Variants in STRN3 observed in about 807,000 individuals in gnomAD.
STRN3 encodes the protein striatin 3.
STRN3 carries 29 observed loss-of-function variants against 95.6 expected under a neutral mutation model. That is an observed-to-expected ratio of 0.30 (90% CI 0.23 to 0.41). The LOEUF (loss-of-function observed/expected upper bound fraction) is 0.41, where lower values mean the gene tolerates loss of function less well. Among genes scored for constraint, STRN3 ranks in the 10% least tolerant of loss-of-function variants. STRN3 has a pLI of 1.00. For missense variants in STRN3, 890 were observed against 972.1 expected (o/e 0.92, Z 1.12); for synonymous variants, 331 against 357.6 (o/e 0.93, Z 0.84).
intron 1 of STRN3, among the ~76,000 whole-genome samples, chr14:30,980,597 G>A (rs990287461): frequency 2.6e-5 from 4 of 151,938 alleles, no homozygotes; most frequent in East Asian, 2.0e-4. Flanking sequence ...TAGTAGAGAC[G>A]GGGTTTCACC....
At chr14:30,954,839 A>G (rs1335853150) in intron 3 of STRN3, among the ~76,000 whole-genome samples, 1 of 151,978 alleles carries the variant, frequency 6.6e-6, no homozygotes, top group Non-Finnish European at 1.5e-5. Context: ...CTTTACACAC[A>G]GACCAAGCCC....
intron 9 of STRN3, among the ~76,000 whole-genome samples, chr14:30,914,931 A>G (rs933011218): frequency 6.6e-6 from 1 of 152,222 alleles, no homozygotes; most frequent in African/African-American, 2.4e-5. Flanking sequence ...AAACTCTGCC[A>G]TAATTGAATG....
At chr14:31,006,362 A>C (rs1882713939) in intron 1 of STRN3, among the ~76,000 whole-genome samples, 1 of 151,902 alleles carries the variant, frequency 6.6e-6, no homozygotes, top group African/African-American at 2.4e-5. Flanking sequence ...AGCTCTTGAG[A>C]CTGGCCTGGG....
chr14:31,022,691 A>C (rs1883559198), intron 1 of STRN3, among the ~76,000 whole-genome samples: 1 of 151,966 alleles, frequency 6.6e-6, no homozygotes, highest in Non-Finnish European at 1.5e-5. Context: ...CATAATGGTT[A>C]CAAGAGTGGT....
At chr14:30,920,328 C>T (rs1896848611) in intron 8 of STRN3, among the ~76,000 whole-genome samples, 1 of 152,038 alleles carries the variant, frequency 6.6e-6, no homozygotes, top group South Asian at 2.1e-4. Flanking sequence ...AATGAAGAAA[C>T]TCAGTGTTAC....
chr14:31,020,497 CT>C (rs1883454397), intron 1 of STRN3, among the ~76,000 whole-genome samples: 1 of 146,328 alleles, frequency 6.8e-6, no homozygotes, highest in Admixed American at 6.7e-5. Flanking sequence ...AAAACTGTCT[CT>C]AAAAAAAAAA....
rs945043713 is a variant in STRN3, at chr14:30,894,274, T to C, written c.*1137A>G. ...AACAAGTTAGTTTTGTTTGGAATCA[T>C]GGTAAACCAAGATATATATCTTAGG... is the stretch of plus-strand genomic sequence containing the variant. On this transcript the variant is annotated 3_prime_UTR_variant, in exon 18 of 18. Transcript: ENST00000357479. 2.6e-5 allele frequency: 4 copies of C among 152,396 alleles called. No homozygotes were observed. The highest frequency in any genetic ancestry group is 1.9e-4 in the East Asian group (1 of 5,198). The allele number at this position is 152,396 out of a possible 1,614,324, so 9.4% of individuals were successfully genotyped here.
intron 1 of STRN3, among the ~76,000 whole-genome samples, chr14:30,998,168 C>G (rs1882288769): frequency 6.6e-6 from 1 of 152,162 alleles, no homozygotes; most frequent in Non-Finnish European, 1.5e-5. Flanking sequence ...TCTGATATAT[C>G]TGGTGGTTCT....
intron 1 of STRN3, among the ~76,000 whole-genome samples, chr14:30,994,258 T>G (rs111352755): frequency 7.2e-5 from 11 of 152,284 alleles, no homozygotes; most frequent in African/African-American, 2.2e-4. Flanking sequence ...CCCAAAGTTC[T>G]AGGATTACAG....
chr14:30,974,743 C>G lies in STRN3; in HGVS notation c.283-18501G>C, dbSNP rs553961957. ...CACTTGAGCCTGGGGGGAGTAGAGG[C>G]TAAAGTGAGCTGACATTGCGCCACT... On this transcript the variant is annotated intron_variant, in intron 1 of 17. Coordinates refer to ENST00000357479, the MANE Select transcript of STRN3 (RefSeq NM_001083893.2). Among the ~76,000 whole-genome samples the G allele has an allele frequency of 2.0e-5, 3 of 152,058 alleles. No homozygotes were observed. The South Asian group carries it at 6.2e-4, about 31-fold the overall frequency.
At chr14:31,003,322 C>A (rs179703) in intron 1 of STRN3, among the ~76,000 whole-genome samples, 1 of 149,146 alleles carries the variant, frequency 6.7e-6, no homozygotes, top group Non-Finnish European at 1.5e-5. Flanking sequence ...AATTTTATGT[C>A]ATATGTATTT....
chr14:30,968,878 A>G (rs1880682983), intron 1 of STRN3, among the ~76,000 whole-genome samples: 1 of 152,204 alleles, frequency 6.6e-6, no homozygotes, highest in Non-Finnish European at 1.5e-5. Flanking sequence ...AGGAAAGTAA[A>G]ATATACTTCT....
intron 8 of STRN3, among the ~76,000 whole-genome samples, chr14:30,924,137 G>T (rs1395823643): frequency 2.0e-5 from 3 of 148,296 alleles, no homozygotes; most frequent in African/African-American, 7.4e-5. Context: ...GGTCATACAT[G>T]AGAGTATCTT....
intron 2 of STRN3, 48 bp downstream of exon 2, chr14:30,956,091 T>C (rs1054576059): frequency 3.3e-6 from 5 of 1,510,044 alleles, no homozygotes; most frequent in Non-Finnish European, 3.7e-6. Context: ...TATACATGAG[T>C]ATACTATTGT....
Position 31,001,428 on chromosome 14 carries a change from C to T in STRN3, c.282+24476G>A, listed in dbSNP as rs954606964. ...ATGTGCGCCTGCAGTTACAGCTACT[C>T]GGGAGGTTAAAGCGGAAGAATCACT... On this transcript the variant is annotated intron_variant, in intron 1 of 17. Coordinates refer to ENST00000357479, the MANE Select transcript of STRN3 (RefSeq NM_001083893.2). Among the ~76,000 whole-genome samples, 11 of 151,708 alleles carry T rather than the reference C, an allele frequency of 7.3e-5. No individual in the cohort carries two copies. The South Asian group carries it at 8.3e-4, about 11-fold the overall frequency.
chr14:30,945,911 A>C (rs955146339), intron 5 of STRN3, among the ~76,000 whole-genome samples: 27 of 152,152 alleles, frequency 1.8e-4, no homozygotes, highest in Non-Finnish European at 3.2e-4. Context: ...AAAATGTTCT[A>C]AACTTAGATT....
chr14:30,909,119 T>C (rs1422968961), intron 13 of STRN3, among the ~76,000 whole-genome samples: 1 of 152,184 alleles, frequency 6.6e-6, no homozygotes, highest in Admixed American at 6.5e-5. Flanking sequence ...CTGTAAAACT[T>C]TGTGAATGTT....
At chr14:30,963,596 G>A (rs1350400855) in intron 1 of STRN3, among the ~76,000 whole-genome samples, 1 of 152,150 alleles carries the variant, frequency 6.6e-6, no homozygotes, top group Non-Finnish European at 1.5e-5. Flanking sequence ...TTTTGGTAGA[G>A]ACAGGGTTTC....
intron 1 of STRN3, among the ~76,000 whole-genome samples, chr14:31,014,216 ATTG>A (rs543225330): frequency 2.8e-4 from 42 of 151,174 alleles, no homozygotes; most frequent in African/African-American, 9.5e-4. Flanking sequence ...AAGTGCAAAA[ATTG>A]TTGTTGTTGT....
Sources: gnomAD v4.1 joint callset for allele counts (sites outside exome capture counted in the v4.1 genomes callset) on GRCh38, gnomAD v4.1.1 for gene constraint, MANE v1.5 for transcripts, NCBI Gene and HGNC (gene_info 2026-07-23, HGNC 2026-07-21) for gene names.